Variants in FHIT observed in about 807,000 individuals in gnomAD.
FHIT encodes fragile histidine triad diadenosine triphosphatase.
A neutral mutation model predicts 17.9 loss-of-function variants in FHIT; 19 were observed. That is an observed-to-expected ratio of 1.06 (90% CI 0.74 to 1.56). FHIT has a LOEUF of 1.56. FHIT is among the 40% of genes most tolerant of loss of function. FHIT has a pLI of 0.00. For synonymous variants in FHIT, 81 were observed against 69.7 expected (o/e 1.16, Z -0.81); for missense variants, 248 against 189.2 (o/e 1.31, Z -1.82).
At chr3:59,795,001 T>G (rs1406225439) in intron 8 of FHIT, among the ~76,000 whole-genome samples, 1 of 151,890 alleles carries the variant, frequency 6.6e-6, no homozygotes, top group East Asian at 1.9e-4. Flanking sequence ...ATAATGGAAC[T>G]TACTTACTTA....
intron 4 of FHIT, among the ~76,000 whole-genome samples, chr3:60,594,030 C>CTTTTT (rs2038179421): frequency 6.6e-6 from 1 of 152,054 alleles, no homozygotes; most frequent in African/African-American, 2.4e-5. Context: ...GCCAGAGCTG[C>CTTTTT]GTTGAGAACT....
At chr3:60,286,025 G>C (rs1200355901) in intron 5 of FHIT, among the ~76,000 whole-genome samples, 1 of 152,142 alleles carries the variant, frequency 6.6e-6, no homozygotes, top group Non-Finnish European at 1.5e-5. Context: ...GGGTAAGTGG[G>C]TGTAGAGGGG....
intron 3 of FHIT, among the ~76,000 whole-genome samples, chr3:60,961,212 T>C (rs1463966302): frequency 1.3e-5 from 2 of 152,250 alleles, no homozygotes; most frequent in Non-Finnish European, 1.5e-5. Flanking sequence ...CCTGTGTCTA[T>C]TGGCTCCATA....
intron 5 of FHIT, among the ~76,000 whole-genome samples, chr3:60,438,894 T>C (rs976155907): frequency 6.6e-6 from 1 of 152,102 alleles, no homozygotes; most frequent in African/African-American, 2.4e-5. Context: ...GTTGTATGTT[T>C]ACCAGGAAAA....
At chr3:60,713,945 C>A (rs1236532192) in intron 4 of FHIT, among the ~76,000 whole-genome samples, 1 of 151,772 alleles carries the variant, frequency 6.6e-6, no homozygotes, top group Non-Finnish European at 1.5e-5. Context: ...AGGCCAGCAT[C>A]ATCCTGATAC....
intron 7 of FHIT, among the ~76,000 whole-genome samples, chr3:59,940,711 G>C (rs565574191): frequency 6.6e-5 from 10 of 152,048 alleles, no homozygotes; most frequent in Non-Finnish European, 1.5e-4. Context: ...TAATTCTTTG[G>C]GTTCTATATT....
At chr3:60,447,922 A>T (rs2031456497) in intron 5 of FHIT, among the ~76,000 whole-genome samples, 1 of 152,208 alleles carries the variant, frequency 6.6e-6, no homozygotes, top group African/African-American at 2.4e-5. Flanking sequence ...GACTTCCAAT[A>T]TTCCTGAAAA....
At chr3:60,168,227 G>A (rs576467534) in intron 5 of FHIT, among the ~76,000 whole-genome samples, 4 of 152,272 alleles carry the variant, frequency 2.6e-5, no homozygotes, top group East Asian at 1.9e-4. Flanking sequence ...ACAAGAGACC[G>A]ACAGACTTCA....
intron 5 of FHIT, among the ~76,000 whole-genome samples, chr3:60,223,777 A>G (rs748934294): frequency 6.6e-6 from 1 of 152,086 alleles, no homozygotes; most frequent in Non-Finnish European, 1.5e-5. Context: ...GGATTTCACC[A>G]CCTACAATAG....
chr3:60,697,833 A>T (rs575177565), intron 4 of FHIT, among the ~76,000 whole-genome samples: 2 of 152,196 alleles, frequency 1.3e-5, no homozygotes, highest in East Asian at 1.9e-4. Flanking sequence ...TAAATACAGC[A>T]TGCCTTAGAA....
intron 5 of FHIT, among the ~76,000 whole-genome samples, chr3:60,085,512 C>T (rs1398817800): frequency 6.6e-6 from 1 of 152,138 alleles, no homozygotes; most frequent in Non-Finnish European, 1.5e-5. Flanking sequence ...ATCTGCAGTG[C>T]TTCAGAGCCA....
At chr3:60,712,931 T>C (rs550568572) in intron 4 of FHIT, among the ~76,000 whole-genome samples, 2 of 149,366 alleles carry the variant, frequency 1.3e-5, no homozygotes, top group Non-Finnish European at 1.5e-5. Flanking sequence ...GCGGACCTAA[T>C]AGACATCTAC....
intron 8 of FHIT, among the ~76,000 whole-genome samples, chr3:59,767,471 C>T (rs1220724788): frequency 3.9e-5 from 6 of 152,112 alleles, no homozygotes; most frequent in Non-Finnish European, 8.8e-5. Flanking sequence ...TGCACTCTAG[C>T]CTGGGCAACA....
At chr3:60,053,258 C>T (rs1394262373) in intron 5 of FHIT, among the ~76,000 whole-genome samples, 1 of 151,616 alleles carries the variant, frequency 6.6e-6, no homozygotes, top group African/African-American at 2.4e-5. Context: ...CAATTATTTT[C>T]TCTCTAGATA....
At chr3:60,763,677 A>C (rs1238609565) in intron 4 of FHIT, among the ~76,000 whole-genome samples, 1 of 152,230 alleles carries the variant, frequency 6.6e-6, no homozygotes, top group Non-Finnish European at 1.5e-5. Flanking sequence ...GGCTACTACA[A>C]AATTGGAGTG....
chr3:60,396,086 C>T (rs558150879), intron 5 of FHIT, among the ~76,000 whole-genome samples: 3 of 152,226 alleles, frequency 2.0e-5, no homozygotes, highest in African/African-American at 7.2e-5. Flanking sequence ...CACTTGCTAC[C>T]CAGAACTACC....
At chr3:60,332,925 A>G (rs1045377727) in intron 5 of FHIT, among the ~76,000 whole-genome samples, 1 of 152,212 alleles carries the variant, frequency 6.6e-6, no homozygotes, top group African/African-American at 2.4e-5. Context: ...CCTAGACACC[A>G]CTTAACGAAA....
intron 7 of FHIT, among the ~76,000 whole-genome samples, chr3:59,950,364 T>C (rs1246738403): frequency 6.6e-6 from 1 of 152,156 alleles, no homozygotes; most frequent in Non-Finnish European, 1.5e-5. Flanking sequence ...CCTGTTCACA[T>C]GTACCAGCCA....
At chr3:60,920,479 TGG>T (rs1553768079) in intron 3 of FHIT, among the ~76,000 whole-genome samples, 1 of 151,920 alleles carries the variant, frequency 6.6e-6, no homozygotes, top group Non-Finnish European at 1.5e-5. Flanking sequence ...GTTATAGTGG[TGG>T]TGATCAGTGG....
Sources: allele counts gnomAD v4.1 joint callset (sites outside exome capture counted in the v4.1 genomes callset), GRCh38; gene constraint gnomAD v4.1.1; transcripts MANE v1.5; gene names NCBI Gene and HGNC (gene_info 2026-07-23, HGNC 2026-07-21).